The following LPP variants were observed in gnomAD, a reference collection of about 807,000 sequenced individuals.
The protein encoded by LPP is lipoma-preferred partner.
Under a neutral mutation model 60.4 loss-of-function variants are expected in LPP, and 38 were observed. The ratio of observed to expected loss-of-function variants is 0.63; its 90% CI spans 0.49 to 0.83. LPP has a LOEUF of 0.83. LPP is among the 40% of genes least tolerant of loss of function. The pLI, the probability that LPP is intolerant of heterozygous loss-of-function variation, is 0.00. For synonymous variants in LPP, 328 were observed against 290.8 expected (o/e 1.13, Z -1.30); for missense variants, 902 against 783.6 (o/e 1.15, Z -1.80).
intron 6 of LPP, among the ~76,000 whole-genome samples, chr3:188,591,182 T>C (rs147168581): frequency 6.6e-6 from 1 of 152,312 alleles, no homozygotes; most frequent in East Asian, 1.9e-4. Context: ...CACAAAATTG[T>C]CTAGCATTTT....
chr3:188,849,074 T>A lies in LPP; in HGVS notation c.1411-17126T>A, dbSNP rs145242209. On this transcript the variant is annotated intron_variant, in intron 9 of 11. Transcript: ENST00000617246. ...CTTGCTTCTCTCCCACTGAAGGAGGTAGAAGGCACAGCACCGTGGTGAGCG... is the reference window on the plus strand; with the variant it reads ...CTTGCTTCTCTCCCACTGAAGGAGGAAGAAGGCACAGCACCGTGGTGAGCG... Among the ~76,000 whole-genome samples the A allele has an allele frequency of 6.1e-4, 93 of 152,180 alleles. 1 individual carries two copies. Among genetic ancestry groups the A allele is most frequent in the Non-Finnish European group, 1.1e-3 (76 of 68,012 alleles).
chr3:188,479,945 C>T (rs1472097441), intron 4 of LPP, among the ~76,000 whole-genome samples: 3 of 152,152 alleles, frequency 2.0e-5, no homozygotes, highest in Non-Finnish European at 4.4e-5. Context: ...TTCTTGTTAT[C>T]TTCACCCTCT....
At chr3:188,827,650 G>A (rs1216508248) in intron 9 of LPP, among the ~76,000 whole-genome samples, 1 of 152,142 alleles carries the variant, frequency 6.6e-6, no homozygotes, top group Non-Finnish European at 1.5e-5. Context: ...TGGGAGTCTT[G>A]TGCCCCATCA....
intron 7 of LPP, among the ~76,000 whole-genome samples, chr3:188,611,273 T>G (rs919834465): frequency 6.6e-6 from 1 of 152,172 alleles, no homozygotes; most frequent in African/African-American, 2.4e-5. Flanking sequence ...TTTAAATGAT[T>G]TTAAACATGA....
intron 9 of LPP, among the ~76,000 whole-genome samples, chr3:188,819,841 T>G (rs1458102471): frequency 6.6e-6 from 1 of 152,162 alleles, no homozygotes; most frequent in Non-Finnish European, 1.5e-5. Flanking sequence ...TCACCTTTGG[T>G]GGTCCACGGG....
chr3:188,703,892 C>T (rs138276013), intron 7 of LPP, among the ~76,000 whole-genome samples: 4 of 152,198 alleles, frequency 2.6e-5, no homozygotes, highest in Non-Finnish European at 2.9e-5. Flanking sequence ...AGGACAGGAT[C>T]GGCCTTCTTG....
At chr3:188,230,573 C>T (rs2149359073) in intron 2 of LPP, among the ~76,000 whole-genome samples, 1 of 151,986 alleles carries the variant, frequency 6.6e-6, no homozygotes, top group South Asian at 2.1e-4. Context: ...CACCTGAGGT[C>T]GGGAGTTCAA....
rs567132186 is a variant in LPP, at chr3:188,502,240, A to C, written c.306+17536A>C. Among the ~76,000 whole-genome samples, 17 of 152,146 alleles carry C rather than the reference A, an allele frequency of 1.1e-4. No individual in the cohort carries two copies. In the South Asian group the frequency reaches 3.3e-3, roughly 30 times the overall value. Reference sequence around the variant, plus strand: ...AATCTCTATTATTATACAACTGTCTATTTCTTCCTTCAATTCTGGTAATTT... The same window carrying C: ...AATCTCTATTATTATACAACTGTCTCTTTCTTCCTTCAATTCTGGTAATTT... On this transcript the variant is annotated intron_variant, in intron 5 of 11. Transcript: ENST00000617246.
Position 188,885,120 on chromosome 3 carries a change from GGT to G in LPP, c.*10645_*10646del, listed in dbSNP as rs1770507503. On this transcript the variant is annotated 3_prime_UTR_variant, in exon 12 of 12. Transcript: ENST00000617246. ...GTCCCTCAGGAAGCTGTACCTTTAGGGTGTGCTTTCCACTTTTTATTTCCTCT... is the reference window on the plus strand; with the variant it reads ...GTCCCTCAGGAAGCTGTACCTTTAGGGTGCTTTCCACTTTTTATTTCCTCT... The G allele has an allele frequency of 4.7e-6, 1 of 212,916 alleles. No individual in the cohort carries two copies. Among genetic ancestry groups the G allele is most frequent in the African/African-American group, 2.3e-5 (1 of 44,094 alleles). 13.2% of individuals were successfully genotyped at this position (212,916 alleles called of 1,614,324 possible). A position where few individuals can be genotyped will look rare whatever the true frequency, so the allele number is the denominator to read the frequency against.
At chr3:188,555,288 A>C (rs1277424677) in intron 6 of LPP, among the ~76,000 whole-genome samples, 1 of 152,028 alleles carries the variant, frequency 6.6e-6, no homozygotes, top group Non-Finnish European at 1.5e-5. Flanking sequence ...ATCACATAGA[A>C]CCTCATAGGA....
intron 9 of LPP, among the ~76,000 whole-genome samples, chr3:188,837,148 G>A (rs913300862): frequency 3.9e-5 from 6 of 151,986 alleles, no homozygotes; most frequent in African/African-American, 9.7e-5. Context: ...TTGGGAGGCC[G>A]AGGCAGGCAG....
intron 1 of LPP, among the ~76,000 whole-genome samples, chr3:188,158,948 G>C (rs960931070): frequency 3.9e-5 from 6 of 152,212 alleles, no homozygotes; most frequent in African/African-American, 1.4e-4. Flanking sequence ...TCCCACACTG[G>C]TGCTGTTCTA....
intron 7 of LPP, among the ~76,000 whole-genome samples, chr3:188,649,299 T>C (rs1010617033): frequency 2.1e-4 from 32 of 152,354 alleles, no homozygotes; most frequent in Admixed American, 2.0e-3. Flanking sequence ...TATGGTTACA[T>C]TGTAAACACT....
intron 8 of LPP, chr3:188,758,765 A>G (rs1304889183): frequency 1.3e-5 from 2 of 152,196 alleles, no homozygotes; most frequent in Non-Finnish European, 2.9e-5. Flanking sequence ...AGAACTGGGA[A>G]TAGGTAATAT....
intron 2 of LPP, among the ~76,000 whole-genome samples, chr3:188,279,459 C>G (rs1444129482): frequency 6.6e-6 from 1 of 152,186 alleles, no homozygotes; most frequent in Non-Finnish European, 1.5e-5. Context: ...TAGATATAAC[C>G]CATTAGGGGA....
intron 6 of LPP, among the ~76,000 whole-genome samples, chr3:188,555,316 A>G (rs1829219351): frequency 6.6e-6 from 1 of 152,102 alleles, no homozygotes; most frequent in Admixed American, 6.6e-5. Flanking sequence ...TTCTTAGTTT[A>G]AGTGAGATGG....
intron 2 of LPP, among the ~76,000 whole-genome samples, chr3:188,335,294 A>G (rs748731102): frequency 6.6e-6 from 1 of 152,174 alleles, no homozygotes; most frequent in Non-Finnish European, 1.5e-5. Flanking sequence ...TGAGATAATC[A>G]TGGTTTTTGT....
At chr3:188,294,540 G>A (rs772903757) in intron 2 of LPP, among the ~76,000 whole-genome samples, 2 of 152,142 alleles carry the variant, frequency 1.3e-5, no homozygotes, top group South Asian at 2.1e-4. Context: ...CCACCAAACC[G>A]AAGCAAGTAT....
At chr3:188,865,684 T>G (rs1373829933) in intron 9 of LPP, among the ~76,000 whole-genome samples, 2 of 43,878 alleles carry the variant, frequency 4.6e-5, no homozygotes, top group African/African-American at 1.0e-4. Flanking sequence ...CCATTGTCTG[T>G]TTTTTTTTTG....
Sources: allele counts gnomAD v4.1 joint callset (sites outside exome capture counted in the v4.1 genomes callset), GRCh38; gene constraint gnomAD v4.1.1; transcripts MANE v1.5; gene names NCBI Gene and HGNC (gene_info 2026-07-23, HGNC 2026-07-21).